AFF3: variants seen among roughly 807,000 people sequenced by gnomAD.
AFF3 encodes ALF transcription elongation factor 3.
AFF3 carries 32 observed loss-of-function variants against 129.7 expected under a neutral mutation model. That is an observed-to-expected ratio of 0.25 (90% CI 0.19 to 0.33). The LOEUF is 0.33. Among genes scored for constraint, AFF3 ranks in the 10% least tolerant of loss-of-function variants. The pLI is 1.00. For missense variants in AFF3, 1,373 were observed against 1,592.0 expected, an observed-to-expected ratio of 0.86 and a Z score of 2.34; for synonymous variants, 644 against 635.4, an observed-to-expected ratio of 1.01 and a Z score of -0.20.
chr2:100,024,545 T>C (rs2104900800), intron 4 of AFF3, among the ~76,000 whole-genome samples: 1 of 151,752 alleles, frequency 6.6e-6, no homozygotes, highest in African/African-American at 2.4e-5. Context: ...GAGGCGGAGG[T>C]TGCGGTGAGC....
At chr2:99,947,270 G>A (rs1362149260) in intron 7 of AFF3, among the ~76,000 whole-genome samples, 4 of 151,934 alleles carry the variant, frequency 2.6e-5, no homozygotes, top group South Asian at 2.1e-4. Context: ...ATAAAACCCC[G>A]TCTCTACTAA....
chr2:99,669,555 C>A (rs1374637405), intron 12 of AFF3, among the ~76,000 whole-genome samples: 2 of 152,206 alleles, frequency 1.3e-5, no homozygotes, highest in South Asian at 2.1e-4. Flanking sequence ...GGTTATTCTT[C>A]TGCAGAGTGG....
At chr2:99,946,550 G>T (rs1443140756) in intron 7 of AFF3, among the ~76,000 whole-genome samples, 1 of 148,374 alleles carries the variant, frequency 6.7e-6, no homozygotes, top group Non-Finnish European at 1.5e-5. Flanking sequence ...CTGCCGGAGG[G>T]TTCAGGATAC....
At chr2:99,699,347 G>A (rs1453136666) in intron 11 of AFF3, among the ~76,000 whole-genome samples, 2 of 152,122 alleles carry the variant, frequency 1.3e-5, no homozygotes, top group Non-Finnish European at 2.9e-5. Context: ...CTGGGTCATG[G>A]GCAGGACATG....
intron 8 of AFF3, among the ~76,000 whole-genome samples, chr2:99,761,591 A>T (rs1299129453): frequency 2.6e-5 from 4 of 152,250 alleles, no homozygotes; most frequent in Non-Finnish European, 5.9e-5. Context: ...CAAAGGAGAG[A>T]AGAAACAAAA....
At chr2:99,601,741 G>A in intron 13 of AFF3, 120 bp from the exon 14 acceptor site, 1 of 1,204,502 alleles carries the variant, frequency 8.3e-7, no homozygotes, top group Non-Finnish European at 1.1e-6. Flanking sequence ...CTACACATCT[G>A]TCAACCATGA....
chr2:99,557,319 G>A (rs1258599520), intron 22 of AFF3, among the ~76,000 whole-genome samples: 6 of 137,302 alleles, frequency 4.4e-5, no homozygotes, highest in African/African-American at 5.6e-5. Context: ...TCACTCTGTC[G>A]CCCAGGCTGG....
chr2:99,971,172 A>T (rs1678334981), intron 7 of AFF3, among the ~76,000 whole-genome samples: 1 of 152,076 alleles, frequency 6.6e-6, no homozygotes, highest in Non-Finnish European at 1.5e-5. Context: ...TCCAGGTCCT[A>T]GGGTTTTCCT....
chr2:99,739,675 T>C (rs1680550962), intron 10 of AFF3, among the ~76,000 whole-genome samples: 1 of 152,204 alleles, frequency 6.6e-6, no homozygotes, highest in Non-Finnish European at 1.5e-5. Flanking sequence ...TCCTTTAGTA[T>C]CTATAATACA....
At chr2:99,754,741 T>TA (rs1202904727) in intron 8 of AFF3, among the ~76,000 whole-genome samples, 1 of 152,214 alleles carries the variant, frequency 6.6e-6, no homozygotes, top group African/African-American at 2.4e-5. Context: ...GAGATACCAC[T>TA]AAGCTGTGAT....
chr2:99,602,439 A>G (rs1679929521), intron 13 of AFF3, among the ~76,000 whole-genome samples: 1 of 152,256 alleles, frequency 6.6e-6, no homozygotes, highest in South Asian at 2.1e-4. Flanking sequence ...AGATAACAAG[A>G]AAAATTGACT....
chr2:99,712,167 A>G (rs1281088067), intron 11 of AFF3, among the ~76,000 whole-genome samples: 1 of 152,184 alleles, frequency 6.6e-6, no homozygotes, highest in Non-Finnish European at 1.5e-5. Context: ...AATGGGTCCT[A>G]AAATATTCTG....
At chr2:99,635,099 G>A (rs1683512220) in intron 13 of AFF3, among the ~76,000 whole-genome samples, 1 of 151,130 alleles carries the variant, frequency 6.6e-6, no homozygotes, top group Non-Finnish European at 1.5e-5. Context: ...ATATCTCTAT[G>A]TATATGATAT....
intron 12 of AFF3, among the ~76,000 whole-genome samples, chr2:99,663,019 C>G (rs1307892024): frequency 6.6e-6 from 1 of 152,150 alleles, no homozygotes; most frequent in Non-Finnish European, 1.5e-5. Context: ...AAAAATGCAA[C>G]TAAGGAAGTA....
intron 8 of AFF3, among the ~76,000 whole-genome samples, chr2:99,826,210 T>A (rs1688068270): frequency 6.6e-6 from 1 of 152,094 alleles, no homozygotes; most frequent in African/African-American, 2.4e-5. Flanking sequence ...TGACGGGGTT[T>A]CACCATGTTG....
At chr2:99,653,982 C>T (rs1269263344) in intron 12 of AFF3, among the ~76,000 whole-genome samples, 4 of 148,896 alleles carry the variant, frequency 2.7e-5, no homozygotes, top group African/African-American at 7.5e-5. Flanking sequence ...CTGGTTCAAG[C>T]GATTCTCCTG....
At chr2:99,626,486 T>C (rs72817034) in intron 13 of AFF3, among the ~76,000 whole-genome samples, 6,955 of 50,498 alleles carry the variant, frequency 0.14, 810 homozygotes, top group African/African-American at 0.34. Flanking sequence ...CCTCTCCTTC[T>C]CTTCCCCTTC....
intron 8 of AFF3, among the ~76,000 whole-genome samples, chr2:99,812,345 C>T (rs571540530): frequency 6.6e-6 from 1 of 152,284 alleles, no homozygotes; most frequent in South Asian, 2.1e-4. Context: ...TCTGACGAAA[C>T]CTCTGAAGGT....
intron 9 of AFF3, among the ~76,000 whole-genome samples, chr2:99,748,734 A>T (rs1465082426): frequency 6.6e-6 from 1 of 152,124 alleles, no homozygotes; most frequent in Non-Finnish European, 1.5e-5. Flanking sequence ...CAATGACTTT[A>T]AAAAAAAGTA....
Sources: allele counts gnomAD v4.1 joint callset (sites outside exome capture counted in the v4.1 genomes callset), GRCh38; gene constraint gnomAD v4.1.1; transcripts MANE v1.5; gene names NCBI Gene and HGNC (gene_info 2026-07-23, HGNC 2026-07-21).